The following HOXC4 variants were observed in gnomAD, a reference collection of about 807,000 sequenced individuals.
HOXC4 encodes homeobox C4, also known as homeobox protein Hox-C4.
Under a neutral mutation model 25.5 loss-of-function variants are expected in HOXC4, and 15 were observed. That is an observed-to-expected ratio of 0.59 (90% CI 0.39 to 0.91). The LOEUF (loss-of-function observed/expected upper bound fraction) is 0.91. Ranked by LOEUF, HOXC4 falls within the 40% of genes least tolerant of loss-of-function variation. HOXC4 has a pLI of 0.00. For synonymous variants in HOXC4, 165 were observed against 148.0 expected (o/e 1.11, Z -0.83); for missense variants, 342 against 352.4 (o/e 0.97, Z 0.24).
intron 1 of HOXC4, chr12:54,028,361 C>T: frequency 1.4e-6 from 1 of 693,430 alleles, no homozygotes; most frequent in Non-Finnish European, 2.4e-6. Flanking sequence ...TTCCCCCTTC[C>T]TGACATCTGG....
chr12:54,053,980 T>C lies in HOXC4; in HGVS notation c.58T>C (p.Cys20Arg). ...CTACATCGATCCGAAATTTCCTCCA[T>C]GCGAAGAATATTCGCAAAATAGCTA... ...SNYIDPKFPP[C>R]EEYSQNSYIP... The change falls in exon 1 of 2, where the codon TGC (cysteine) becomes CGC (arginine). Residue 20 changes from cysteine (C) to arginine (R), a missense_variant. Physicochemically the swap from Cys to Arg is radical, Grantham distance 180. Coordinates refer to ENST00000430889, the MANE Select transcript of HOXC4 (RefSeq NM_153633.3). The C allele has an allele frequency of 6.2e-7, 1 of 1,614,152 alleles. No homozygotes were observed. The highest frequency in any genetic ancestry group is 8.5e-7 in the Non-Finnish European group (1 of 1,180,004).
intron 1 of HOXC4, chr12:54,028,967 C>A: frequency 6.5e-7 from 1 of 1,532,270 alleles, no homozygotes; most frequent in Non-Finnish European, 8.8e-7. Context: ...ACTGAACTGG[C>A]TTTATGACCG....
intron 1 of HOXC4, chr12:54,029,943 A>C: frequency 1.9e-6 from 3 of 1,587,282 alleles, no homozygotes; most frequent in Non-Finnish European, 2.6e-6. Flanking sequence ...GAGACAGAAG[A>C]GGAGAAGCAG....
chr12:54,036,395 G>A (rs1418325887), intron 1 of HOXC4, among the ~76,000 whole-genome samples: 2 of 152,146 alleles, frequency 1.3e-5, no homozygotes, highest in Non-Finnish European at 2.9e-5. Flanking sequence ...GGGCTCTGGG[G>A]AGGGGCAGGG....
chr12:54,053,383 T>A (rs1937891705), upstream of HOXC4: 1 of 153,614 alleles, frequency 6.5e-6, no homozygotes, highest in Non-Finnish European at 1.4e-5. Flanking sequence ...CCATCCAACA[T>A]CCACTCCAGT....
intron 1 of HOXC4, among the ~76,000 whole-genome samples, chr12:54,024,356 C>T (rs1477350171): frequency 1.3e-5 from 2 of 152,102 alleles, no homozygotes; most frequent in Non-Finnish European, 2.9e-5. Flanking sequence ...CCCGAGCAGC[C>T]TCAGGAGGCA....
At chr12:54,020,471 G>C (rs918915359) in intron 1 of HOXC4, 1 of 152,230 alleles carries the variant, frequency 6.6e-6, no homozygotes, top group Non-Finnish European at 1.5e-5. Context: ...GACAGAATGC[G>C]ACCTTGTTTG....
chr12:54,055,637 TC>T lies in HOXC4; in HGVS notation c.*439del, dbSNP rs11362453. On this transcript the variant is annotated 3_prime_UTR_variant, in exon 2 of 2. Transcript: ENST00000430889. Reference sequence around the variant, plus strand: ...TTCTCATCCTTCTCCTCCTCCTCCTTCCCCCCCTCTTTCCTTAGGCCTTTTG... The same window carrying T: ...TTCTCATCCTTCTCCTCCTCCTCCTTCCCCCCTCTTTCCTTAGGCCTTTTG... 93,965 of 151,998 alleles carry T rather than the reference TC, an allele frequency of 0.62. 29,564 individuals carry two copies. Among genetic ancestry groups the T allele is most frequent in the African/African-American group, 0.75 (30,867 of 41,278 alleles). The allele number at this position is 151,998 out of a possible 1,614,324, so 9.4% of individuals were successfully genotyped here.
At chr12:54,035,984 C>T (rs1288784140) in intron 1 of HOXC4, among the ~76,000 whole-genome samples, 2 of 152,114 alleles carry the variant, frequency 1.3e-5, no homozygotes, top group African/African-American at 4.8e-5. Context: ...CTGTTTCCAC[C>T]ACCTTCTAGG....
intron 1 of HOXC4, chr12:54,028,360 C>T (rs1484060250): frequency 4.4e-6 from 3 of 683,534 alleles, no homozygotes; most frequent in African/African-American, 3.6e-5. Context: ...TTTCCCCCTT[C>T]CTGACATCTG....
Position 54,018,892 on chromosome 12 carries a change from G to T in HOXC4, c.-124+1478G>T, listed in dbSNP as rs917200651. On this transcript the variant is annotated intron_variant, in intron 1 of 3. Coordinates refer to the HOXC4 transcript ENST00000303406. Reference sequence around the variant, plus strand: ...CTGGGATTCTGCGCCAAGTCCCAGTGGGGGAGGGGATCGCTCCACGATTTC... The same window carrying T: ...CTGGGATTCTGCGCCAAGTCCCAGTTGGGGAGGGGATCGCTCCACGATTTC... Among the ~76,000 whole-genome samples, 3 of 152,154 alleles carry T rather than the reference G, an allele frequency of 2.0e-5. No individual in the cohort carries two copies. The South Asian group carries it at 6.2e-4, about 32-fold the overall frequency.
chr12:54,052,821 T>G (rs552910967), upstream of HOXC4, among the ~76,000 whole-genome samples: 45 of 152,270 alleles, frequency 3.0e-4, no homozygotes, highest in Non-Finnish European at 8.8e-5. Context: ...ACGTGTTACA[T>G]GGATACAGCT....
chr12:54,049,226 A>G (rs1355137130), upstream of HOXC4, among the ~76,000 whole-genome samples: 1 of 152,164 alleles, frequency 6.6e-6, no homozygotes, highest in African/African-American at 2.4e-5. Flanking sequence ...TAGTTATTGA[A>G]CTCGCTGGAA....
chr12:54,051,478 G>T (rs1372253443), upstream of HOXC4, among the ~76,000 whole-genome samples: 2 of 151,684 alleles, frequency 1.3e-5, no homozygotes, highest in African/African-American at 4.9e-5. Flanking sequence ...GCCTTCCTCC[G>T]CCCCCTCACT....
At chr12:54,022,319 G>A (rs980171237) in intron 1 of HOXC4, 1 of 152,114 alleles carries the variant, frequency 6.6e-6, no homozygotes, top group Non-Finnish European at 1.5e-5. Flanking sequence ...CCCCAAAATT[G>A]CAGTGAATTT....
upstream of HOXC4, among the ~76,000 whole-genome samples, chr12:54,050,088 G>A (rs1937810302): frequency 6.6e-6 from 1 of 152,022 alleles, no homozygotes; most frequent in Non-Finnish European, 1.5e-5. Flanking sequence ...TTTCTCCCTT[G>A]GAAAAATCAG....
chr12:54,036,658 A>G (rs1565747683), intron 1 of HOXC4, among the ~76,000 whole-genome samples: 1 of 151,116 alleles, frequency 6.6e-6, no homozygotes, highest in Non-Finnish European at 1.5e-5. Context: ...TGCACACAGC[A>G]GTTAACCCAG....
At chr12:54,040,537 G>A (rs1345532426) in intron 1 of HOXC4, among the ~76,000 whole-genome samples, 10 of 152,336 alleles carry the variant, frequency 6.6e-5, no homozygotes, top group Admixed American at 5.9e-4. Flanking sequence ...TTACAAAGTT[G>A]TATCTGGGAG....
chr12:54,048,993 T>A (rs900834475), upstream of HOXC4, among the ~76,000 whole-genome samples: 3 of 152,054 alleles, frequency 2.0e-5, no homozygotes, highest in African/African-American at 7.2e-5. Context: ...ATTTTCATAA[T>A]AAGAAGTAAA....
Sources: allele counts gnomAD v4.1 joint callset (sites outside exome capture counted in the v4.1 genomes callset), GRCh38; gene constraint gnomAD v4.1.1; transcripts MANE v1.5; gene names NCBI Gene and HGNC (gene_info 2026-07-23, HGNC 2026-07-21).